The following MTERF4 variants were observed in gnomAD, a reference collection of about 807,000 sequenced individuals.
MTERF4 encodes the protein transcription termination factor 4, mitochondrial.
A neutral mutation model predicts 22.5 loss-of-function variants in MTERF4; 17 were observed. The ratio of observed to expected loss-of-function variants is 0.75; its 90% CI spans 0.52 to 1.13. MTERF4 has a LOEUF of 1.13. Ranked by LOEUF, MTERF4 falls within the 50% of genes most tolerant of loss-of-function variation. MTERF4 has a pLI of 0.00. For missense variants in MTERF4, 420 were observed against 466.8 expected, an observed-to-expected ratio of 0.90 and a Z score of 0.92; for synonymous variants, 165 against 175.3, an observed-to-expected ratio of 0.94 and a Z score of 0.47.
At chr2:241,049,984 C>G in the MTERF4 span, 1 of 1,326,244 alleles carries the variant, frequency 7.5e-7, no homozygotes, top group Admixed American at 1.7e-5. Flanking sequence ...GGAGAGCGCC[C>G]GCGGTCCGCC....
rs115861271 is a variant in MTERF4, at chr2:241,096,051, C to T, written c.1093G>A (p.Asp365Asn). 893 of 1,613,882 alleles carry T rather than the reference C, an allele frequency of 5.5e-4. 10 individuals are homozygous for T. The East Asian group carries it at 0.017, about 30-fold the overall frequency. The change falls in exon 4 of 4, where the codon GAC becomes AAC. Residue 365 changes from aspartate (D) to asparagine (N), a missense_variant. Coordinates refer to ENST00000391980, the MANE Select transcript of MTERF4 (RefSeq NM_182501.4). This position sits in a 1 kb window ranked among gnomAD's most constrained non-coding sequence, Gnocchi z 5.1. ...TCATCATTGTCCTCCGCCTCGTCGTCGTCCTCATCATCGTCATCCTCATCA... is the reference window on the plus strand; with the variant it reads ...TCATCATTGTCCTCCGCCTCGTCGTTGTCCTCATCATCGTCATCCTCATCA... ...DNDEDDDDEDDDEAEDNDEDE... is the reference protein window; with the variant it reads ...DNDEDDDDEDNDEAEDNDEDE...
the MTERF4 span, among the ~76,000 whole-genome samples, chr2:241,048,140 C>T: frequency 1.3e-5 from 2 of 152,246 alleles, no homozygotes; most frequent in African/African-American, 4.8e-5. Flanking sequence ...AGATGCTGAG[C>T]TCCATGGGGT....
In MTERF4 at chr2:241,096,235, G is replaced by A. The variant is rs770140830; in HGVS notation, c.909C>T (p.Ala303=). The A allele has an allele frequency of 6.2e-7, 1 of 1,614,152 alleles. No homozygotes were observed. Among genetic ancestry groups the A allele is most frequent in the Non-Finnish European group, 8.5e-7 (1 of 1,180,026 alleles). ...CCTCAACAGAAGTACAGGCTGTCCT[G>A]GCCAAAAACTCAGCTTCTGAAACTC... ...ILRVSEAEFL[A]RTACTSVEEF... is the part of the protein sequence containing the mutation. The change falls in exon 4 of 4, where the codon GCC becomes GCT. Residue 303 remains alanine (A), a synonymous_variant. Coordinates refer to ENST00000391980, the MANE Select transcript of MTERF4 (RefSeq NM_182501.4). This position sits in a 1 kb window ranked among gnomAD's most constrained non-coding sequence, Gnocchi z 5.1.
At chr2:241,053,397 C>G in the MTERF4 span, 1 of 1,447,506 alleles carries the variant, frequency 6.9e-7, no homozygotes, top group Non-Finnish European at 9.3e-7. Context: ...TGTGGAGGAG[C>G]ACAGGGGCTG....
intron 4 of MTERF4, among the ~76,000 whole-genome samples, chr2:241,078,852 G>A (rs1358267489): frequency 7.3e-5 from 11 of 151,724 alleles, no homozygotes; most frequent in African/African-American, 2.7e-4. Context: ...GGTGGCTCAT[G>A]CCTGTAATCC....
downstream of MTERF4, chr2:241,071,718 C>CCCCCGGGA: frequency 1.3e-6 from 2 of 1,503,676 alleles, no homozygotes; most frequent in Non-Finnish European, 1.8e-6. Context: ...CCCAGCCCCC[C>CCCCCGGGA]AGGTACATGC....
At chr2:241,043,746 T>A in the MTERF4 span, among the ~76,000 whole-genome samples, 1 of 152,248 alleles carries the variant, frequency 6.6e-6, no homozygotes, top group Non-Finnish European at 1.5e-5. Context: ...TAAATACTTT[T>A]GGCTTTGTGA....
chr2:241,093,196 A>G (rs913670128), downstream of MTERF4: 12 of 152,766 alleles, frequency 7.9e-5, no homozygotes, highest in African/African-American at 2.9e-4. Context: ...GTGGAGCTCA[A>G]TGAAGGGTCT....
downstream of MTERF4, chr2:241,093,890 A>G (rs1455207660): frequency 2.0e-5 from 3 of 153,422 alleles, no homozygotes; most frequent in South Asian, 4.1e-4. Flanking sequence ...TCAGGAGCAT[A>G]AAGATTTCTG....
At chr2:241,052,519 C>T in the MTERF4 span, 1 of 1,392,958 alleles carries the variant, frequency 7.2e-7, no homozygotes, top group South Asian at 1.2e-5. Context: ...CAGTGCCAGG[C>T]AGGTGAGATG....
the MTERF4 span, among the ~76,000 whole-genome samples, chr2:241,065,758 G>C: frequency 1.3e-5 from 2 of 152,228 alleles, no homozygotes; most frequent in Non-Finnish European, 2.9e-5. Context: ...CCCTGCTGGA[G>C]ACAGAGCTGT....
the MTERF4 span, among the ~76,000 whole-genome samples, chr2:241,042,601 G>A: frequency 1.3e-5 from 2 of 152,086 alleles, no homozygotes; most frequent in Admixed American, 1.3e-4. Context: ...AGATACAAAT[G>A]TTTAATTATC....
chr2:241,063,602 G>C, the MTERF4 span: 1 of 1,609,122 alleles, frequency 6.2e-7, no homozygotes, highest in Non-Finnish European at 8.5e-7. Context: ...GATGAGTGCC[G>C]AGCTCACCCG....
At chr2:241,095,404 A>G (rs1021740018), downstream of MTERF4, 7 of 152,804 alleles carry the variant, frequency 4.6e-5, no homozygotes, top group African/African-American at 1.4e-4. Flanking sequence ...GGCCTTAAGA[A>G]GCCATGCAAA....
chr2:241,071,436 G>A, downstream of MTERF4: 1 of 981,366 alleles, frequency 1.0e-6, no homozygotes, highest in South Asian at 1.5e-5. Context: ...AAGCACCTTG[G>A]ATGACCACGG....
the MTERF4 span, chr2:241,052,305 C>T: frequency 4.0e-6 from 6 of 1,513,598 alleles, no homozygotes; most frequent in East Asian, 2.3e-5. Flanking sequence ...CACACAGTCC[C>T]GAGCCTTCAG....
downstream of MTERF4, chr2:241,087,049 C>T (rs2063617401): frequency 4.6e-6 from 1 of 218,748 alleles, no homozygotes. Flanking sequence ...GAGGCCATAC[C>T]TTCCCCAGGC....
Position 241,095,852 on chromosome 2 carries a change from G to A in MTERF4, c.*146C>T. On this transcript the variant is annotated 3_prime_UTR_variant, in exon 4 of 4. Transcript: ENST00000391980. ...TTGGTTTGATCTGTCTGCCTCTCAG[G>A]TGACTTATAATTTTTTTCATCAAGA... 2 of 1,433,568 alleles carry A rather than the reference G, an allele frequency of 1.4e-6. No individual in the cohort carries two copies. Among genetic ancestry groups the A allele is most frequent in the East Asian group, 2.3e-5 (1 of 43,822 alleles). The allele number at this position is 1,433,568 out of a possible 1,614,324, so 88.8% of individuals were successfully genotyped here.
chr2:241,087,666 C>T, downstream of MTERF4: 4 of 1,382,826 alleles, frequency 2.9e-6, no homozygotes. Flanking sequence ...TGTGAGCATA[C>T]CCAGAGGGGC....
Sources: gnomAD v4.1 joint callset for allele counts (sites outside exome capture counted in the v4.1 genomes callset) on GRCh38, gnomAD v4.1.1 for gene constraint, Gnocchi (gnomAD v3.1) non-coding constraint, MANE v1.5 for transcripts, NCBI Gene and HGNC (gene_info 2026-07-23, HGNC 2026-07-21) for gene names.